CHST11: variants seen among roughly 807,000 people sequenced by gnomAD.
CHST11 encodes carbohydrate sulfotransferase 11.
A neutral mutation model predicts 30.4 loss-of-function variants in CHST11; 9 were observed. The observed-to-expected ratio is 0.30, with a 90% CI of 0.18 to 0.52. The LOEUF (loss-of-function observed/expected upper bound fraction) is 0.52. Among genes scored for constraint, CHST11 ranks in the 20% least tolerant of loss-of-function variants. The probability of loss-of-function intolerance (pLI) is 0.97; values close to 1 mark genes in which losing one functional copy is unlikely to be tolerated. For missense variants in CHST11, 348 were observed against 460.6 expected (o/e 0.76, Z 2.24); for synonymous variants, 152 against 187.8 (o/e 0.81, Z 1.56).
chr12:104,555,397 A>T (rs1486667408), intron 1 of CHST11, among the ~76,000 whole-genome samples: 2 of 152,188 alleles, frequency 1.3e-5, no homozygotes, highest in Non-Finnish European at 1.5e-5. Context: ...TGTGGGTTAA[A>T]TTTCTGTAAT....
chr12:104,657,205 A>G lies in CHST11; in HGVS notation c.204+55214A>G, dbSNP rs77626722. Among the ~76,000 whole-genome samples the G allele has an allele frequency of 9.0e-3, 1,374 of 152,330 alleles. 79 individuals are homozygous for G. In the East Asian group the frequency reaches 0.14, roughly 16 times the overall value. The stretch of plus-strand genomic sequence containing the variant: ...TTTCCTGGTTTAGCAAGCATCTTCA[A>G]TCCACTATTTGCATGTCTTTCTTCT... On this transcript the variant is annotated intron_variant, in intron 2 of 2. Coordinates refer to ENST00000303694, the MANE Select transcript of CHST11 (RefSeq NM_018413.6).
intron 2 of CHST11, among the ~76,000 whole-genome samples, chr12:104,663,798 A>G (rs752175261): frequency 3.3e-5 from 5 of 152,140 alleles, no homozygotes; most frequent in Non-Finnish European, 7.4e-5. Context: ...TAGCCCATTT[A>G]AGGTACTTTA....
chr12:104,653,642 A>G (rs973767755), intron 2 of CHST11, among the ~76,000 whole-genome samples: 2 of 152,136 alleles, frequency 1.3e-5, no homozygotes, highest in Non-Finnish European at 2.9e-5. Context: ...GGCCCTTACC[A>G]TGTGCCTGAC....
intron 2 of CHST11, among the ~76,000 whole-genome samples, chr12:104,635,094 G>A (rs375816815): frequency 3.3e-5 from 5 of 151,990 alleles, no homozygotes; most frequent in Admixed American, 1.3e-4. Flanking sequence ...TCCTGCCCCC[G>A]TACCCAGCTT....
Position 104,757,664 on chromosome 12 carries a change from C to A in CHST11, c.920C>A (p.Ser307Tyr), listed in dbSNP as rs2040491116. ...CTGAAGTTCCCCACCTATGCAAAGT[C>A]TACGAGAACTACTGATGAAATGACC... The part of the protein sequence containing the change: ...SYLKFPTYAK[S>Y]TRTTDEMTTE... The change falls in exon 3 of 3, where the codon TCT becomes TAT. Residue 307 changes from serine (S) to tyrosine (Y), a missense_variant. Ser to Tyr is a moderately radical substitution (Grantham distance 144, BLOSUM62 -2). Coordinates refer to ENST00000303694, the MANE Select transcript of CHST11 (RefSeq NM_018413.6). This position sits in a 1 kb window ranked among gnomAD's most constrained non-coding sequence, Gnocchi z 6.5. 6.2e-7 allele frequency: 1 copy of A among 1,614,028 alleles called. No homozygotes were observed. The highest frequency in any genetic ancestry group is 8.5e-7 in the Non-Finnish European group (1 of 1,180,044).
At chr12:104,524,893 C>G (rs2038109073) in intron 1 of CHST11, among the ~76,000 whole-genome samples, 1 of 151,912 alleles carries the variant, frequency 6.6e-6, no homozygotes, top group African/African-American at 2.4e-5. Flanking sequence ...TCTCTGTGAA[C>G]AGAGCAAAGC....
chr12:104,545,137 A>G (rs1276555854), intron 1 of CHST11, among the ~76,000 whole-genome samples: 1 of 151,688 alleles, frequency 6.6e-6, no homozygotes, highest in African/African-American at 2.4e-5. Context: ...CAAAGACCCA[A>G]GGTGAATTTC....
Position 104,624,685 on chromosome 12 carries a change from T to A in CHST11, c.204+22694T>A, listed in dbSNP as rs148450499. 4.5e-3 allele frequency among the ~76,000 whole-genome samples: 693 copies of A among 152,312 alleles called. 6 individuals carry two copies. The highest frequency in any genetic ancestry group is 0.016 in the African/African-American group (667 of 41,568). On this transcript the variant is annotated intron_variant, in intron 2 of 2. Coordinates refer to ENST00000303694, the MANE Select transcript of CHST11 (RefSeq NM_018413.6). ...ACAGTGGCAGGCTCTCAATTCTAGC[T>A]AGTATTGGGATTACATTTTCCCAGG... is the stretch of plus-strand genomic sequence containing the variant.
chr12:104,637,719 C>T (rs929299304), intron 2 of CHST11, among the ~76,000 whole-genome samples: 3 of 152,264 alleles, frequency 2.0e-5, no homozygotes, highest in South Asian at 2.1e-4. Context: ...ATTTTGTTGC[C>T]GGAGAGACTG....
At chr12:104,652,627 A>ACATT (rs1235394084) in intron 2 of CHST11, among the ~76,000 whole-genome samples, 3 of 152,260 alleles carry the variant, frequency 2.0e-5, no homozygotes, top group African/African-American at 7.2e-5. Context: ...GGAAAGTGGT[A>ACATT]CATTCCCAAG....
rs573322206 is a variant in CHST11 at position 104,627,736 on chromosome 12, A to G, written c.204+25745A>G. On this transcript the variant is annotated intron_variant, in intron 2 of 2. Coordinates refer to ENST00000303694, the MANE Select transcript of CHST11 (RefSeq NM_018413.6). ...CTTTAACACAAATCAGGATTGTAGA[A>G]GATTAGGGCTTATTTTCAAAGTGTC... Among the ~76,000 whole-genome samples, 4 of 152,270 alleles carry G rather than the reference A, an allele frequency of 2.6e-5. 1 individual carries two copies. In the South Asian group the frequency reaches 8.3e-4, roughly 32 times the overall value.
chr12:104,557,594 G>C (rs752432850), intron 1 of CHST11, among the ~76,000 whole-genome samples: 2 of 152,132 alleles, frequency 1.3e-5, no homozygotes, highest in African/African-American at 2.4e-5. Context: ...AGGAATCCAG[G>C]TGGTCAGGTG....
chr12:104,590,990 AGT>A (rs2038852537), intron 1 of CHST11, among the ~76,000 whole-genome samples: 1 of 152,084 alleles, frequency 6.6e-6, no homozygotes, highest in Non-Finnish European at 1.5e-5. Context: ...CATGGGAGAC[AGT>A]GTGTCCAGGG....
At chr12:104,486,980 G>A (rs575313951) in intron 1 of CHST11, among the ~76,000 whole-genome samples, 29 of 152,316 alleles carry the variant, frequency 1.9e-4, no homozygotes, top group Non-Finnish European at 3.4e-4. Flanking sequence ...ATATACCAAA[G>A]CAAAGCACAT....
rs1055963443 is a variant in CHST11, at chr12:104,573,438, C to G, written c.119-28468C>G. 3.0e-4 allele frequency among the ~76,000 whole-genome samples: 45 copies of G among 152,192 alleles called. 1 individual carries two copies. The highest frequency in any genetic ancestry group is 1.8e-3 in the Admixed American group (28 of 15,300). Reference sequence around the variant, plus strand: ...GCCAAAAGAACAAAGCTGGAGGCATCACGCTACCTGACTTCAAACTATACT... The same window carrying G: ...GCCAAAAGAACAAAGCTGGAGGCATGACGCTACCTGACTTCAAACTATACT... On this transcript the variant is annotated intron_variant, in intron 1 of 2. Coordinates refer to ENST00000303694, the MANE Select transcript of CHST11 (RefSeq NM_018413.6).
Position 104,641,939 on chromosome 12 carries a change from G to T in CHST11, c.204+39948G>T, listed in dbSNP as rs564925865. ...TTTGCACCCCATCCACCCCAGGGAG[G>T]ACATTTGGCAACATCCGAAGATAGT... On this transcript the variant is annotated intron_variant, in intron 2 of 2. Coordinates refer to ENST00000303694, the MANE Select transcript of CHST11 (RefSeq NM_018413.6). 3.5e-4 allele frequency among the ~76,000 whole-genome samples: 53 copies of T among 152,296 alleles called. No homozygotes were observed. The South Asian group carries it at 8.7e-3, about 25-fold the overall frequency.
At chr12:104,653,892 C>A (rs950166460) in intron 2 of CHST11, among the ~76,000 whole-genome samples, 1 of 152,164 alleles carries the variant, frequency 6.6e-6, no homozygotes, top group Non-Finnish European at 1.5e-5. Context: ...ACTGAAAAAC[C>A]TCAAACGGGT....
chr12:104,676,836 G>A lies in CHST11; in HGVS notation c.204+74845G>A, dbSNP rs1206710626. Among the ~76,000 whole-genome samples, 1 of 152,220 alleles carries A rather than the reference G, an allele frequency of 6.6e-6. No homozygotes were observed. Among genetic ancestry groups the A allele is most frequent in the Admixed American group, 6.5e-5 (1 of 15,282 alleles). ...TGGAAGGTCACATTCACAGGTTCCA[G>A]GGATTAGGATGCGGCCTTTTGGGCG... is the stretch of plus-strand genomic sequence containing the variant. On this transcript the variant is annotated intron_variant, in intron 2 of 2. Transcript: ENST00000303694. This position sits in a 1 kb window ranked among gnomAD's most constrained non-coding sequence, Gnocchi z 4.4.
rs1451449709 is a variant in CHST11 at position 104,676,227 on chromosome 12, T to C, written c.204+74236T>C. On this transcript the variant is annotated intron_variant, in intron 2 of 2. Transcript: ENST00000303694. This position sits in a 1 kb window ranked among gnomAD's most constrained non-coding sequence, Gnocchi z 4.4. ...ATGTGTTATTTTACTGTTCTGGAGGTCAGGAGTCTGAAATGGGTCTCCTGG... is the reference window on the plus strand; with the variant it reads ...ATGTGTTATTTTACTGTTCTGGAGGCCAGGAGTCTGAAATGGGTCTCCTGG... Among the ~76,000 whole-genome samples the C allele has an allele frequency of 6.6e-6, 1 of 152,128 alleles. No individual in the cohort carries two copies. The highest frequency in any genetic ancestry group is 1.5e-5 in the Non-Finnish European group (1 of 68,010).
Sources: gnomAD v4.1 joint callset for allele counts (sites outside exome capture counted in the v4.1 genomes callset) on GRCh38, gnomAD v4.1.1 for gene constraint, Gnocchi (gnomAD v3.1) non-coding constraint, MANE v1.5 for transcripts, NCBI Gene and HGNC (gene_info 2026-07-23, HGNC 2026-07-21) for gene names.